SLC39A11: variants seen among roughly 807,000 people sequenced by gnomAD.
SLC39A11 encodes solute carrier family 39 member 11.
Under a neutral mutation model 36.1 loss-of-function variants are expected in SLC39A11, and 33 were observed. The ratio of observed to expected loss-of-function variants is 0.91; its 90% CI spans 0.69 to 1.22. The LOEUF (loss-of-function observed/expected upper bound fraction) is 1.22. Ranked by LOEUF, SLC39A11 falls within the 50% of genes most tolerant of loss-of-function variation. SLC39A11 has a pLI of 0.00. For missense variants in SLC39A11, 432 were observed against 430.3 expected (o/e 1.00, Z -0.03); for synonymous variants, 166 against 170.3 (o/e 0.97, Z 0.20).
chr17:72,938,787 C>T (rs1598490842), intron 5 of SLC39A11, among the ~76,000 whole-genome samples: 1 of 152,126 alleles, frequency 6.6e-6, no homozygotes, highest in Non-Finnish European at 1.5e-5. Flanking sequence ...GTTTAATAGA[C>T]TTATGAGCTG....
chr17:72,848,652 C>T (rs1357260469), intron 6 of SLC39A11, among the ~76,000 whole-genome samples: 2 of 150,792 alleles, frequency 1.3e-5, no homozygotes, highest in Non-Finnish European at 2.9e-5. Flanking sequence ...ACCCAGGAGG[C>T]AGAGGCTGCA....
chr17:72,856,870 G>A (rs958055099), intron 5 of SLC39A11, among the ~76,000 whole-genome samples: 2 of 152,006 alleles, frequency 1.3e-5, no homozygotes, highest in East Asian at 1.9e-4. Context: ...TAGTAGAGAT[G>A]GGGTTTCACC....
chr17:72,650,405 A>T (rs946355371), intron 7 of SLC39A11, among the ~76,000 whole-genome samples: 3 of 152,230 alleles, frequency 2.0e-5, no homozygotes, highest in Non-Finnish European at 4.4e-5. Context: ...GAGACAACAC[A>T]GGCATGTACA....
chr17:72,873,962 CTCTT>C (rs1199635917), intron 5 of SLC39A11, among the ~76,000 whole-genome samples: 3 of 152,184 alleles, frequency 2.0e-5, no homozygotes, highest in Admixed American at 2.0e-4. Context: ...TCAGCTCTCA[CTCTT>C]TCTTGTGCTG....
intron 7 of SLC39A11, among the ~76,000 whole-genome samples, chr17:72,714,540 T>G (rs1033821477): frequency 6.6e-6 from 1 of 152,282 alleles, no homozygotes; most frequent in Non-Finnish European, 1.5e-5. Context: ...AGTGTCAACA[T>G]CCACCTCCTG....
rs1013200938 is a variant in SLC39A11, at chr17:72,783,726, C to T, written c.602-47007G>A. On this transcript the variant is annotated intron_variant, in intron 6 of 9. Coordinates refer to ENST00000255559, the MANE Select transcript of SLC39A11 (RefSeq NM_139177.4). ...GATCAGATCTACATCAGCTTCTAAACGCAGGCAGGAGTCTGACTTGCAAAG... is the reference window on the plus strand; with the variant it reads ...GATCAGATCTACATCAGCTTCTAAATGCAGGCAGGAGTCTGACTTGCAAAG... 2.6e-5 allele frequency among the ~76,000 whole-genome samples: 4 copies of T among 152,276 alleles called. No individual in the cohort carries two copies. The South Asian group carries it at 8.3e-4, about 32-fold the overall frequency.
intron 1 of SLC39A11, among the ~76,000 whole-genome samples, chr17:73,090,626 A>T (rs2060893045): frequency 6.6e-6 from 1 of 152,194 alleles, no homozygotes; most frequent in South Asian, 2.1e-4. Flanking sequence ...CATAACAAAA[A>T]CACCTTTCTT....
chr17:72,844,691 A>G (rs2078974257), intron 6 of SLC39A11, among the ~76,000 whole-genome samples: 1 of 152,134 alleles, frequency 6.6e-6, no homozygotes, highest in Non-Finnish European at 1.5e-5. Context: ...AAAAAAACAA[A>G]AAACATTCAT....
chr17:73,060,229 A>AT (rs2059800800), intron 3 of SLC39A11, among the ~76,000 whole-genome samples: 1 of 149,878 alleles, frequency 6.7e-6, no homozygotes, highest in African/African-American at 2.4e-5. Flanking sequence ...AAAAAAAAAA[A>AT]AGAAAGAAAA....
At chr17:72,987,439 C>T (rs936282766) in intron 4 of SLC39A11, among the ~76,000 whole-genome samples, 6 of 152,132 alleles carry the variant, frequency 3.9e-5, no homozygotes, top group African/African-American at 9.7e-5. Context: ...GAATGGGGCA[C>T]TTAGCATACA....
Position 73,031,606 on chromosome 17 carries a change from T to C in SLC39A11, c.256A>G (p.Thr86Ala), listed in dbSNP as rs199758218. 166 of 1,613,958 alleles carry C rather than the reference T, an allele frequency of 1.0e-4. No homozygotes were observed. The highest frequency in any genetic ancestry group is 8.3e-4 in the Middle Eastern group (5 of 6,060). ...AAGTAGACAAAAGCCGCTCCAAGGGTGAAGCCAACAGCCACAGGGAAGAAG... is the reference window on the plus strand; with the variant it reads ...AAGTAGACAAAAGCCGCTCCAAGGGCGAAGCCAACAGCCACAGGGAAGAAG... ...FAFFPVAVGF[T>A]LGAAFVYLAD... The change falls in exon 4 of 10, where the codon ACC becomes GCC. Residue 86 changes from threonine to alanine, a missense_variant. Coordinates refer to ENST00000255559, the MANE Select transcript of SLC39A11 (RefSeq NM_139177.4).
intron 3 of SLC39A11, among the ~76,000 whole-genome samples, chr17:73,041,317 T>C (rs2059108070): frequency 6.6e-6 from 1 of 152,214 alleles, no homozygotes; most frequent in South Asian, 2.1e-4. Context: ...TAATCGCTGA[T>C]GGATGCTCAA....
intron 5 of SLC39A11, among the ~76,000 whole-genome samples, chr17:72,905,795 C>T (rs1465854588): frequency 6.6e-6 from 1 of 151,966 alleles, no homozygotes; most frequent in African/African-American, 2.4e-5. Flanking sequence ...GCTCTGTCGC[C>T]CAGGCTAGAG....
intron 6 of SLC39A11, chr17:72,817,890 G>C (rs2077635974): frequency 6.6e-6 from 1 of 152,266 alleles, no homozygotes; most frequent in East Asian, 1.9e-4. Context: ...AGCTGGGGAG[G>C]CCTCAGGAAA....
At chr17:72,698,051 C>T (rs760727169) in intron 7 of SLC39A11, among the ~76,000 whole-genome samples, 7 of 152,324 alleles carry the variant, frequency 4.6e-5, no homozygotes, top group East Asian at 1.9e-4. Flanking sequence ...AAAGACTAAA[C>T]GCCTTGTTCT....
chr17:72,985,977 T>C (rs2088716713), intron 4 of SLC39A11, among the ~76,000 whole-genome samples: 1 of 151,578 alleles, frequency 6.6e-6, no homozygotes, highest in African/African-American at 2.4e-5. Context: ...AAGACTGGAG[T>C]TATGCTACTA....
chr17:73,082,043 T>G (rs1270186484), intron 3 of SLC39A11, among the ~76,000 whole-genome samples: 1 of 132,832 alleles, frequency 7.5e-6, no homozygotes, highest in Non-Finnish European at 1.5e-5. Flanking sequence ...TACACCAAAA[T>G]CTCAGAAATT....
At chr17:72,808,815 CAT>C (rs971350335) in intron 6 of SLC39A11, among the ~76,000 whole-genome samples, 2 of 152,082 alleles carry the variant, frequency 1.3e-5, no homozygotes, top group Non-Finnish European at 2.9e-5. Context: ...GGACTCAGCA[CAT>C]GAGGACTCTT....
chr17:72,791,781 A>G (rs556167148), intron 6 of SLC39A11, among the ~76,000 whole-genome samples: 15 of 152,258 alleles, frequency 9.9e-5, no homozygotes, highest in African/African-American at 3.4e-4. Context: ...TGGTTTTATA[A>G]GGGGCTTTTC....
Sources: gnomAD v4.1 joint callset for allele counts (sites outside exome capture counted in the v4.1 genomes callset) on GRCh38, gnomAD v4.1.1 for gene constraint, MANE v1.5 for transcripts, NCBI Gene and HGNC (gene_info 2026-07-23, HGNC 2026-07-21) for gene names.